Variants in CPQ observed in about 807,000 individuals in gnomAD.
CPQ encodes Ser-Met dipeptidase.
A neutral mutation model predicts 45.7 loss-of-function variants in CPQ; 37 were observed. The observed-to-expected ratio is 0.81, with a 90% confidence interval of 0.62 to 1.07. The LOEUF (loss-of-function observed/expected upper bound fraction) is 1.07. Ranked by LOEUF, CPQ falls within the 50% of genes least tolerant of loss-of-function variation. CPQ has a pLI of 0.00. For synonymous variants in CPQ, 186 were observed against 205.8 expected, an observed-to-expected ratio of 0.90 and a Z score of 0.82; for missense variants, 537 against 572.9, an observed-to-expected ratio of 0.94 and a Z score of 0.64.
chr8:96,966,194 G>C (rs1219945535), intron 5 of CPQ, 148 bp downstream of exon 5: 18 of 546,458 alleles, frequency 3.3e-5, no homozygotes, highest in South Asian at 5.3e-5. Context: ...AACAACTTAT[G>C]CTCTTAAAGA....
chr8:96,807,444 A>T (rs1348459893), intron 2 of CPQ, among the ~76,000 whole-genome samples: 1 of 152,064 alleles, frequency 6.6e-6, no homozygotes, highest in Non-Finnish European at 1.5e-5. Flanking sequence ...CGTGTTAGCC[A>T]GGATGGTCTC....
At chr8:96,942,253 T>C (rs1458805072) in intron 4 of CPQ, among the ~76,000 whole-genome samples, 1 of 152,158 alleles carries the variant, frequency 6.6e-6, no homozygotes, top group Non-Finnish European at 1.5e-5. Context: ...CCTTCTTTCA[T>C]CCCCATAATG....
chr8:97,042,345 T>A (rs1448331890), intron 6 of CPQ, among the ~76,000 whole-genome samples: 1 of 152,064 alleles, frequency 6.6e-6, no homozygotes, highest in African/African-American at 2.4e-5. Context: ...CCTTTATCAT[T>A]TTTTATTGTG....
At chr8:96,826,748 A>C (rs185102645) in intron 2 of CPQ, among the ~76,000 whole-genome samples, 3 of 152,128 alleles carry the variant, frequency 2.0e-5, no homozygotes, top group Admixed American at 2.0e-4. Context: ...TCAAGCATGC[A>C]TTAGCTGTTT....
At chr8:96,918,797 C>T (rs1237655929) in intron 4 of CPQ, among the ~76,000 whole-genome samples, 2 of 152,102 alleles carry the variant, frequency 1.3e-5, no homozygotes, top group Non-Finnish European at 2.9e-5. Context: ...ATACTACTAT[C>T]TCCTGGCATT....
At chr8:96,890,979 G>A (rs1251957186) in intron 4 of CPQ, among the ~76,000 whole-genome samples, 1 of 152,140 alleles carries the variant, frequency 6.6e-6, no homozygotes, top group Non-Finnish European at 1.5e-5. Flanking sequence ...CTTCACTCGA[G>A]CCCTGCAAAG....
chr8:97,079,817 A>C (rs1810915043), intron 7 of CPQ, among the ~76,000 whole-genome samples: 3 of 152,188 alleles, frequency 2.0e-5, no homozygotes, highest in Admixed American at 2.0e-4. Flanking sequence ...AACATTCTGT[A>C]GGTAAGAAAA....
At chr8:96,785,438 T>C in intron 2 of CPQ, 108 bp downstream of exon 2, 1 of 974,470 alleles carries the variant, frequency 1.0e-6, no homozygotes, top group South Asian at 1.9e-5. Context: ...AATTTCCTAT[T>C]CCATTGGCTT....
At chr8:96,815,450 G>C (rs1049276257) in intron 2 of CPQ, among the ~76,000 whole-genome samples, 2 of 152,010 alleles carry the variant, frequency 1.3e-5, no homozygotes, top group East Asian at 3.9e-4. Flanking sequence ...AACTTAACAA[G>C]CAGAATGGGC....
At chr8:96,794,166 G>A (rs1035110751) in intron 2 of CPQ, among the ~76,000 whole-genome samples, 4 of 152,178 alleles carry the variant, frequency 2.6e-5, no homozygotes, top group Non-Finnish European at 5.9e-5. Context: ...TGCCCTAGGG[G>A]AGGTTCTCCA....
intron 1 of CPQ, among the ~76,000 whole-genome samples, chr8:96,686,623 A>T (rs1245339600): frequency 1.3e-5 from 2 of 151,858 alleles, no homozygotes; most frequent in Non-Finnish European, 2.9e-5. Flanking sequence ...GTCTTTTTTC[A>T]TGATATTCAC....
intron 5 of CPQ, among the ~76,000 whole-genome samples, chr8:96,979,988 C>G (rs1326151562): frequency 1.3e-5 from 2 of 152,068 alleles, no homozygotes; most frequent in African/African-American, 4.8e-5. Context: ...TTTCTTAATC[C>G]TTAAATAATT....
At chr8:96,965,713 T>G (rs1813545314) in intron 4 of CPQ, among the ~76,000 whole-genome samples, 1 of 152,172 alleles carries the variant, frequency 6.6e-6, no homozygotes. Context: ...TAAAGAAAGG[T>G]ACAAAGTGAG....
At chr8:96,879,697 C>A in intron 3 of CPQ, 101 bp from the exon 4 acceptor site, 1 of 766,728 alleles carries the variant, frequency 1.3e-6, no homozygotes, top group Non-Finnish European at 2.2e-6. Context: ...CAGATGCAAA[C>A]AAAGATAAGT....
intron 2 of CPQ, among the ~76,000 whole-genome samples, chr8:96,792,460 C>T (rs1194805003): frequency 6.6e-6 from 1 of 152,196 alleles, no homozygotes. Context: ...TATTAATCCT[C>T]ATTGGAGACT....
chr8:96,694,633 A>T (rs7825477), intron 1 of CPQ, among the ~76,000 whole-genome samples: 3,683 of 152,214 alleles, frequency 0.024, 164 homozygotes, highest in African/African-American at 0.084. Flanking sequence ...CTTTGGAAAC[A>T]ACAAACACAC....
At chr8:96,735,647 G>T (rs1223459934) in intron 1 of CPQ, among the ~76,000 whole-genome samples, 4 of 152,106 alleles carry the variant, frequency 2.6e-5, no homozygotes, top group African/African-American at 9.7e-5. Flanking sequence ...TTTCTTTGTG[G>T]GGGTATTCCT....
chr8:96,763,880 CA>C (rs1347309683), intron 1 of CPQ, among the ~76,000 whole-genome samples: 5 of 152,092 alleles, frequency 3.3e-5, no homozygotes, highest in East Asian at 1.9e-4. Flanking sequence ...CTGACCATAT[CA>C]AGTGTTGGTG....
chr8:97,119,300 G>A lies in CPQ; in HGVS notation c.1256-23720G>A, dbSNP rs547881901. On this transcript the variant is annotated intron_variant, in intron 7 of 7. Coordinates refer to ENST00000220763, the MANE Select transcript of CPQ (RefSeq NM_016134.4). ...GCTGAGATGGTGCCACTGCACTCCA[G>A]CCTGGACGACAGAGTGAGACTCCAT... Among the ~76,000 whole-genome samples, 6 of 133,564 alleles carry A rather than the reference G, an allele frequency of 4.5e-5. No individual in the cohort carries two copies. In the South Asian group the frequency reaches 1.5e-3, roughly 33 times the overall value. The allele number at this position is 133,564 out of a possible 152,430, so 87.6% of individuals were successfully genotyped here.
Sources: gnomAD v4.1 joint callset for allele counts (sites outside exome capture counted in the v4.1 genomes callset) on GRCh38, gnomAD v4.1.1 for gene constraint, MANE v1.5 for transcripts, NCBI Gene and HGNC (gene_info 2026-07-23, HGNC 2026-07-21) for gene names.